TEAD2: variants seen among roughly 807,000 people sequenced by gnomAD.
TEAD2 encodes TEA domain transcription factor 2.
A neutral mutation model predicts 61.4 loss-of-function variants in TEAD2; 51 were observed. The observed-to-expected ratio is 0.83, with a 90% CI of 0.66 to 1.05. The LOEUF (loss-of-function observed/expected upper bound fraction) is 1.05, where lower values mean the gene tolerates loss of function less well. TEAD2 is among the 50% of genes least tolerant of loss of function. TEAD2 has a pLI of 0.00. For synonymous variants in TEAD2, 244 were observed against 243.2 expected (o/e 1.00, Z -0.03); for missense variants, 509 against 600.0 (o/e 0.85, Z 1.58).
At chr19:49,361,628 G>T (rs1972948066) in intron 1 of TEAD2, 1 of 151,890 alleles carries the variant, frequency 6.6e-6, no homozygotes, top group Admixed American at 6.6e-5. Context: ...CGTGCGCCGT[G>T]GGCTCTGATC....
At chr19:49,349,591 CTT>C (rs772493776) in intron 8 of TEAD2, among the ~76,000 whole-genome samples, 2 of 152,036 alleles carry the variant, frequency 1.3e-5, no homozygotes, top group African/African-American at 2.4e-5. Context: ...AATTCTCACT[CTT>C]TGAGTTGATG....
chr19:49,349,878 C>A (rs920909523), intron 8 of TEAD2, among the ~76,000 whole-genome samples: 1 of 152,124 alleles, frequency 6.6e-6, no homozygotes, highest in Admixed American at 6.5e-5. Context: ...CATCTTGGGA[C>A]AATAAGACAG....
rs752666072 is a variant in TEAD2, at chr19:49,341,274, T to C, written c.*50A>G. 5.3e-6 allele frequency: 8 copies of C among 1,502,118 alleles called. No homozygotes were observed. The South Asian group carries it at 7.9e-5, about 15-fold the overall frequency. The allele number at this position is 1,502,118 out of a possible 1,614,324, so 93.0% of individuals were successfully genotyped here. ...AAGCATGAGGTGAGCTGGAGGACCCTCCCTGGGAGGAGGGTGTTCTGGGGG... is the reference window on the plus strand; with the variant it reads ...AAGCATGAGGTGAGCTGGAGGACCCCCCCTGGGAGGAGGGTGTTCTGGGGG... On this transcript the variant is annotated 3_prime_UTR_variant, in exon 13 of 13. Transcript: ENST00000593945. The surrounding 1 kb of genome is among the most constrained non-coding windows in gnomAD (Gnocchi z 4.2).
chr19:49,348,364 A>G (rs1213395658), intron 9 of TEAD2, among the ~76,000 whole-genome samples: 4 of 152,228 alleles, frequency 2.6e-5, no homozygotes, highest in African/African-American at 9.6e-5. Flanking sequence ...TGAACAGTAG[A>G]AACTCAAACA....
chr19:49,353,950 G>GT (rs1430808102), intron 7 of TEAD2, among the ~76,000 whole-genome samples: 18 of 94,136 alleles, frequency 1.9e-4, no homozygotes, highest in African/African-American at 8.4e-4. Flanking sequence ...CCAGCTAATT[G>GT]TTTTTTGTTT....
At chr19:49,348,680 G>A (rs375519492) in intron 9 of TEAD2, 23 bp downstream of exon 9, 18 of 1,605,220 alleles carry the variant, frequency 1.1e-5, no homozygotes, top group East Asian at 2.2e-5. Flanking sequence ...ATCCCTCAGC[G>A]ACTGTACCAA....
intron 7 of TEAD2, among the ~76,000 whole-genome samples, chr19:49,354,093 C>T (rs1487437606): frequency 2.0e-5 from 3 of 151,510 alleles, no homozygotes; most frequent in Admixed American, 2.0e-4. Flanking sequence ...CCACCACACT[C>T]GGCCCTCACT....
In TEAD2 at chr19:49,342,485, C is replaced by G; in HGVS notation, c.1195G>C (p.Glu399Gln). 1 of 1,614,176 alleles carries G rather than the reference C, an allele frequency of 6.2e-7. No individual in the cohort carries two copies. The highest frequency in any genetic ancestry group is 8.5e-7 in the Non-Finnish European group (1 of 1,179,996). ...NFLHKLRQLP[E>Q]RYMMNSVLEN... The stretch of plus-strand genomic sequence containing the variant: ...AGGACGCTGTTCATCATGTATCGCT[C>G]AGGCAGCTGCCGCAACTTGTGCAAG... Residue 399 changes from glutamate (E) to glutamine (Q), a missense_variant, in exon 12 of 13, where the codon GAG (glutamate) becomes CAG (glutamine). Coordinates refer to ENST00000593945, the MANE Select transcript of TEAD2 (RefSeq NM_001256660.2).
chr19:49,347,506 C>T (rs951243551), intron 9 of TEAD2, 143 bp from the exon 10 acceptor site: 8 of 911,370 alleles, frequency 8.8e-6, no homozygotes, highest in Non-Finnish European at 1.3e-5. Context: ...GGCCTGACTG[C>T]CACCCATCGT....
chr19:49,341,040 C>G lies in TEAD2; in HGVS notation c.*284G>C, dbSNP rs370418471. 5.7e-6 allele frequency: 2 copies of G among 352,098 alleles called. No individual in the cohort carries two copies. Among genetic ancestry groups the G allele is most frequent in the Non-Finnish European group, 1.1e-5 (2 of 187,900 alleles). The allele number at this position is 352,098 out of a possible 1,614,324, so 21.8% of individuals were successfully genotyped here. On this transcript the variant is annotated 3_prime_UTR_variant, in exon 13 of 13. Transcript: ENST00000593945. This position sits in a 1 kb window ranked among gnomAD's most constrained non-coding sequence, Gnocchi z 4.2. The stretch of plus-strand genomic sequence containing the variant: ...CTGTACCTGGGGGGTTGTCTCACTC[C>G]TGTCCCCACAATCCCTGATACTCCG...
In TEAD2 at chr19:49,358,657, G is replaced by A. The variant is rs184682779; in HGVS notation, c.297+778C>T. On this transcript the variant is annotated intron_variant, in intron 3 of 12. Transcript: ENST00000593945. ...CTTTCTTTTTTTTTTTTTTTGAGGT[G>A]GAGTCTGGCTCTGTCACCAGGCTGG... Among the ~76,000 whole-genome samples, 1,029 of 147,974 alleles carry A rather than the reference G, an allele frequency of 7.0e-3. 20 individuals carry two copies. Among genetic ancestry groups the A allele is most frequent in the Middle Eastern group, 0.041 (12 of 290 alleles).
intron 1 of TEAD2, among the ~76,000 whole-genome samples, chr19:49,361,227 G>GGGGAACAGAGACCCAGAGAGAGAA (rs1972892273): frequency 6.8e-6 from 1 of 147,050 alleles, no homozygotes. Flanking sequence ...CAGAGAGAGA[G>GGGGAACAGAGACCCAGAGAGAGAA]GGTGACAGAG....
At chr19:49,358,003 C>T (rs560893263) in intron 3 of TEAD2, among the ~76,000 whole-genome samples, 4 of 152,128 alleles carry the variant, frequency 2.6e-5, no homozygotes, top group Admixed American at 2.0e-4. Flanking sequence ...GAGGCCGAGG[C>T]GGGTGGATCA....
At chr19:49,355,826 C>T in intron 5 of TEAD2, 133 bp downstream of exon 5, 1 of 855,078 alleles carries the variant, frequency 1.2e-6, no homozygotes, top group South Asian at 3.3e-5. Flanking sequence ...ACCCTGTCTC[C>T]AAAAAGAAAA....
chr19:49,360,287 G>A (rs1972751925), intron 1 of TEAD2: 1 of 592,676 alleles, frequency 1.7e-6, no homozygotes, highest in South Asian at 2.1e-5. Context: ...GTCTGAGGGA[G>A]GAGGGGCTGG....
intron 11 of TEAD2, among the ~76,000 whole-genome samples, chr19:49,342,996 C>T (rs1443787556): frequency 2.0e-5 from 3 of 152,096 alleles, no homozygotes; most frequent in Admixed American, 6.6e-5. Flanking sequence ...CCATAAGACC[C>T]TTCTCAATCT....
At position 49,355,132 on chromosome 19, in the gene TEAD2, G is replaced by T. The variant is rs999687128; in HGVS notation, c.539+16C>A. 1.2e-6 allele frequency: 2 copies of T among 1,602,296 alleles called. No homozygotes were observed. Among genetic ancestry groups the T allele is most frequent in the African/African-American group, 2.7e-5 (2 of 74,548 alleles). ...GGGTGGGGGGCAGGTGCTGAGCCAG[G>T]ACACATAGTACTCACTCTGGAACAT... On this transcript the variant is annotated intron_variant, in intron 7 of 12. Transcript: ENST00000593945.
At chr19:49,358,676 A>G (rs1972575589) in intron 3 of TEAD2, among the ~76,000 whole-genome samples, 1 of 145,582 alleles carries the variant, frequency 6.9e-6, no homozygotes. Context: ...CTCTGTCACC[A>G]GGCTGGAGTG....
chr19:49,342,333 G>C, intron 12 of TEAD2, 105 bp downstream of exon 12: 1 of 1,445,422 alleles, frequency 6.9e-7, no homozygotes, highest in Non-Finnish European at 9.5e-7. Flanking sequence ...TGGAGTCCCT[G>C]CTGTGTCAGT....
Sources: gnomAD v4.1 joint callset for allele counts (sites outside exome capture counted in the v4.1 genomes callset) on GRCh38, gnomAD v4.1.1 for gene constraint, Gnocchi (gnomAD v3.1) non-coding constraint, MANE v1.5 for transcripts, NCBI Gene and HGNC (gene_info 2026-07-23, HGNC 2026-07-21) for gene names.